The following CLASP1 variants were observed in gnomAD, a reference collection of about 807,000 sequenced individuals.
The protein encoded by CLASP1 is CLIP-associating protein 1.
A neutral mutation model predicts 192.3 loss-of-function variants in CLASP1; 38 were observed. The observed-to-expected ratio is 0.20, with a 90% CI of 0.15 to 0.26. CLASP1 has a LOEUF of 0.26. Ranked by LOEUF, CLASP1 falls within the 10% of genes least tolerant of loss-of-function variation. The pLI, the probability that CLASP1 is intolerant of heterozygous loss-of-function variation, is 1.00. For missense variants in CLASP1, 1,433 were observed against 1,932.5 expected, an observed-to-expected ratio of 0.74 and a Z score of 4.85; for synonymous variants, 691 against 712.8, an observed-to-expected ratio of 0.97 and a Z score of 0.49.
At chr2:121,570,939 C>T (rs13398987) in intron 2 of CLASP1, among the ~76,000 whole-genome samples, 37,818 of 151,804 alleles carry the variant, frequency 0.25, 7,479 homozygotes, top group African/African-American at 0.55. Context: ...AAGTCACCCA[C>T]GGGATTTGGA....
At chr2:121,382,593 T>A (rs2071987050) in intron 32 of CLASP1, among the ~76,000 whole-genome samples, 1 of 152,134 alleles carries the variant, frequency 6.6e-6, no homozygotes, top group Non-Finnish European at 1.5e-5. Context: ...ATTCCAAGAG[T>A]GTCTATGCGT....
intron 4 of CLASP1, 102 bp from the exon 5 acceptor site, chr2:121,527,992 G>A: frequency 1.3e-6 from 1 of 778,454 alleles, no homozygotes; most frequent in South Asian, 1.6e-5. Flanking sequence ...CGCCAAATTA[G>A]TCCCATCCTC....
intron 37 of CLASP1, among the ~76,000 whole-genome samples, chr2:121,352,240 C>T (rs997011576): frequency 7.2e-5 from 11 of 152,258 alleles, no homozygotes; most frequent in Non-Finnish European, 1.5e-5. Context: ...CGGCCATGCA[C>T]AGCCGGCCTG....
In CLASP1 at chr2:121,531,229, C is replaced by G. The variant is rs560610854; in HGVS notation, c.196-904G>C. ...TCAACTGTTCTGTAACTTCCTTATG[C>G]TGAGTCAGCCCAGTAGTCTAGGTCA... On this transcript the variant is annotated intron_variant, in intron 2 of 39. Transcript: ENST00000263710. 5.3e-5 allele frequency among the ~76,000 whole-genome samples: 8 copies of G among 152,226 alleles called. No homozygotes were observed. In the East Asian group the frequency reaches 1.5e-3, roughly 29 times the overall value.
intron 1 of CLASP1, among the ~76,000 whole-genome samples, chr2:121,645,412 C>G (rs1559864103): frequency 6.6e-6 from 1 of 152,220 alleles, no homozygotes; most frequent in African/African-American, 2.4e-5. Flanking sequence ...CACTGATGAT[C>G]AGAATGTAGC....
intron 19 of CLASP1, among the ~76,000 whole-genome samples, chr2:121,434,684 T>C (rs1341350527): frequency 2.6e-5 from 4 of 152,216 alleles, no homozygotes; most frequent in African/African-American, 9.6e-5. Context: ...CCTACTTGAT[T>C]AGTATTTTCA....
intron 2 of CLASP1, among the ~76,000 whole-genome samples, chr2:121,587,537 A>G (rs2061861259): frequency 6.6e-6 from 1 of 152,150 alleles, no homozygotes; most frequent in African/African-American, 2.4e-5. Flanking sequence ...ATAAACAAGA[A>G]GCTCAATGTC....
chr2:121,488,392 C>A (rs1425927970), intron 8 of CLASP1, among the ~76,000 whole-genome samples: 1 of 152,188 alleles, frequency 6.6e-6, no homozygotes, highest in Non-Finnish European at 1.5e-5. Context: ...GGACTATCAT[C>A]CCCAATTTGC....
At chr2:121,552,784 A>G (rs1404190196) in intron 2 of CLASP1, among the ~76,000 whole-genome samples, 3 of 152,252 alleles carry the variant, frequency 2.0e-5, no homozygotes, top group South Asian at 2.1e-4. Flanking sequence ...CAGTCTGGCA[A>G]TTCCTCAAAG....
At chr2:121,600,108 A>G (rs1189079935) in intron 2 of CLASP1, among the ~76,000 whole-genome samples, 2 of 152,202 alleles carry the variant, frequency 1.3e-5, no homozygotes, top group African/African-American at 4.8e-5. Flanking sequence ...AGCAGGATCT[A>G]AAAGGTAGTT....
chr2:121,488,913 C>T (rs1162428173), intron 8 of CLASP1, among the ~76,000 whole-genome samples: 1 of 152,080 alleles, frequency 6.6e-6, no homozygotes, highest in Non-Finnish European at 1.5e-5. Context: ...AGGAGGCAGG[C>T]AATTTGAAAA....
At chr2:121,454,165 A>C (rs924048740) in intron 14 of CLASP1, among the ~76,000 whole-genome samples, 2 of 147,302 alleles carry the variant, frequency 1.4e-5, no homozygotes, top group African/African-American at 5.0e-5. Context: ...CCCCCCTCCA[A>C]AATTAATATG....
At chr2:121,455,339 A>C (rs571578541) in intron 14 of CLASP1, among the ~76,000 whole-genome samples, 6 of 152,308 alleles carry the variant, frequency 3.9e-5, no homozygotes, top group Admixed American at 2.0e-4. Context: ...TGTTGAAGAG[A>C]TATCTGAACT....
intron 21 of CLASP1, among the ~76,000 whole-genome samples, chr2:121,426,226 C>A (rs1574660520): frequency 1.3e-5 from 2 of 152,078 alleles, no homozygotes; most frequent in East Asian, 3.9e-4. Context: ...TTTTAAAAGT[C>A]AAACAATACA....
exon 2 of CLASP1, chr2:121,605,837 C>T (rs1445020042): frequency 3.1e-6 from 5 of 1,613,892 alleles, no homozygotes; most frequent in Non-Finnish European, 4.2e-6. Flanking sequence ...AACCTGCAAT[C>T]GTTTCCCCAC....
chr2:121,372,559 A>G (rs1002408013), intron 34 of CLASP1, among the ~76,000 whole-genome samples: 1 of 152,216 alleles, frequency 6.6e-6, no homozygotes, highest in Non-Finnish European at 1.5e-5. Flanking sequence ...AGAATTCGTT[A>G]TATTTCAAAG....
chr2:121,363,110 C>T (rs1302539665), intron 37 of CLASP1, 62 bp downstream of exon 38: 2 of 1,598,972 alleles, frequency 1.3e-6, no homozygotes, highest in East Asian at 4.5e-5. Context: ...CCTCTATCTC[C>T]ATGTCCAAAC....
chr2:121,344,125 G>C (rs1422959219), intron 39 of CLASP1, among the ~76,000 whole-genome samples: 3 of 151,784 alleles, frequency 2.0e-5, no homozygotes, highest in African/African-American at 7.3e-5. Context: ...AAAGACTGGA[G>C]GGGGGGAAAA....
intron 26 of CLASP1, among the ~76,000 whole-genome samples, chr2:121,402,292 TTAACA>T (rs1278959575): frequency 6.6e-6 from 1 of 152,206 alleles, no homozygotes; most frequent in African/African-American, 2.4e-5. Flanking sequence ...TATAAAAATA[TTAACA>T]TAATCATCAT....
Sources: gnomAD v4.1 joint callset for allele counts (sites outside exome capture counted in the v4.1 genomes callset) on GRCh38, gnomAD v4.1.1 for gene constraint, MANE v1.5 for transcripts, NCBI Gene and HGNC (gene_info 2026-07-23, HGNC 2026-07-21) for gene names.